Variants in IPO11 observed in about 807,000 individuals in gnomAD.
IPO11 encodes importin-11.
In IPO11, 66 loss-of-function variants were observed where a neutral mutation model predicts 143.2. The observed-to-expected ratio is 0.46, with a 90% CI of 0.38 to 0.57. The LOEUF (loss-of-function observed/expected upper bound fraction) is 0.57, where lower values mean the gene tolerates loss of function less well. Ranked by LOEUF, IPO11 falls within the 20% of genes least tolerant of loss-of-function variation. The pLI, the probability that IPO11 is intolerant of heterozygous loss-of-function variation, is 0.00. For synonymous variants in IPO11, 385 were observed against 377.8 expected, an observed-to-expected ratio of 1.02 and a Z score of -0.22; for missense variants, 1,026 against 1,141.0, an observed-to-expected ratio of 0.90 and a Z score of 1.45.
intron 9 of IPO11, among the ~76,000 whole-genome samples, chr5:62,480,335 A>C (rs952823085): frequency 8.5e-5 from 13 of 152,194 alleles, no homozygotes; most frequent in Non-Finnish European, 1.6e-4. Flanking sequence ...TGTTTTGGTT[A>C]CTGTAGCCTT....
rs145408426 is a variant in IPO11 at position 62,462,553 on chromosome 5, A to G, written c.517-4578A>G. On this transcript the variant is annotated intron_variant, in intron 5 of 29. Transcript: ENST00000325324. ...AAAAAAAATACTGTTTTTATTTTTT[A>G]CAGACAGGGTTTTGTCTCCCAAGCT... Among the ~76,000 whole-genome samples the G allele has an allele frequency of 4.0e-5, 6 of 151,304 alleles. No individual in the cohort carries two copies. In the East Asian group the frequency reaches 1.2e-3, roughly 29 times the overall value.
At chr5:62,542,948 C>T (rs1251961900) in intron 24 of IPO11, among the ~76,000 whole-genome samples, 1 of 152,106 alleles carries the variant, frequency 6.6e-6, no homozygotes, top group Admixed American at 6.6e-5. Flanking sequence ...AATAATAGCT[C>T]ATACTAGCAT....
At chr5:62,420,643 G>A (rs538251398) in intron 1 of IPO11, among the ~76,000 whole-genome samples, 48 of 150,542 alleles carry the variant, frequency 3.2e-4, no homozygotes, top group African/African-American at 9.5e-4. Context: ...GCAGTGGCAC[G>A]ATCGTGGCTC....
intron 28 of IPO11, among the ~76,000 whole-genome samples, chr5:62,592,852 C>A (rs1172090377): frequency 6.6e-6 from 1 of 152,126 alleles, no homozygotes; most frequent in Non-Finnish European, 1.5e-5. Flanking sequence ...GATTCAGTTA[C>A]CTCCAGCTGG....
intron 27 of IPO11, chr5:62,580,879 G>T (rs1301730606): frequency 1.9e-6 from 3 of 1,551,360 alleles, no homozygotes; most frequent in Admixed American, 2.0e-5. Context: ...GACTACAGCA[G>T]TGTTACCTGT....
intron 2 of IPO11, among the ~76,000 whole-genome samples, chr5:62,441,038 C>T (rs1744456354): frequency 6.6e-6 from 1 of 151,786 alleles, no homozygotes; most frequent in South Asian, 2.1e-4. Flanking sequence ...TGGGGTTTTC[C>T]TATACAAGGT....
In IPO11 at chr5:62,437,309, T is replaced by A. The variant is rs567775447; in HGVS notation, c.30T>A (p.Val10=). The A allele has an allele frequency of 5.6e-6, 9 of 1,611,180 alleles. No homozygotes were observed. In the African/African-American group the frequency reaches 1.1e-4, roughly 19 times the overall value. The change falls in exon 2 of 30, where the codon GTT becomes GTA. Residue 10 remains valine, a synonymous_variant. Transcript: ENST00000325324. The part of the protein sequence containing the change: MDLNSASTV[V]LQVLTQATSQ... ...ATCTCAATAGTGCCAGCACTGTTGTTCTTCAGGTGTTAACACAGGCCACCA... is the reference window on the plus strand; with the variant it reads ...ATCTCAATAGTGCCAGCACTGTTGTACTTCAGGTGTTAACACAGGCCACCA...
chr5:62,421,823 T>C (rs903068708), intron 1 of IPO11, among the ~76,000 whole-genome samples: 7 of 152,190 alleles, frequency 4.6e-5, no homozygotes, highest in Admixed American at 6.5e-5. Flanking sequence ...TTTGAACAAA[T>C]GGGTTTTTAT....
chr5:62,589,020 G>A (rs1744914764), intron 27 of IPO11, among the ~76,000 whole-genome samples: 1 of 152,144 alleles, frequency 6.6e-6, no homozygotes, highest in East Asian at 1.9e-4. Context: ...CTCCAAGGGA[G>A]TGTGTACATC....
intron 19 of IPO11, 44 bp downstream of exon 19, chr5:62,506,401 A>T: frequency 9.4e-7 from 1 of 1,064,206 alleles, no homozygotes; most frequent in Non-Finnish European, 1.4e-6. Context: ...GGGTGGGTAG[A>T]ATAGACGTAG....
chr5:62,442,984 A>G lies in IPO11; in HGVS notation c.140A>G (p.Asn47Ser). ...TAATATTATGTTTTTTATTTATAGA[A>G]TATTTTCACCAACCACACTTTGGAT... Reference protein sequence around the residue: ...TQPGFYSVLLNIFTNHTLDIN... With the variant: ...TQPGFYSVLLSIFTNHTLDIN... The change falls in exon 3 of 30, where the codon AAT becomes AGT. Residue 47 changes from asparagine to serine, a missense_variant and splice_region_variant. By Grantham distance (46) the Asn-to-Ser change is conservative. This residue lies in a region of IPO11 where 429 missense variants were observed against 456.3 expected (regional missense o/e 0.94). Coordinates refer to ENST00000325324, the MANE Select transcript of IPO11 (RefSeq NM_016338.5). The G allele has an allele frequency of 2.6e-6, 4 of 1,566,788 alleles. No homozygotes were observed. Among genetic ancestry groups the G allele is most frequent in the Non-Finnish European group, 3.5e-6 (4 of 1,145,680 alleles).
At chr5:62,500,882 G>A (rs185461687) in intron 16 of IPO11, among the ~76,000 whole-genome samples, 2 of 152,328 alleles carry the variant, frequency 1.3e-5, no homozygotes, top group East Asian at 1.9e-4. Flanking sequence ...GTAATGTGAT[G>A]TGTTTTGACA....
chr5:62,596,196 G>A (rs1278937085), intron 28 of IPO11, among the ~76,000 whole-genome samples: 2 of 145,478 alleles, frequency 1.4e-5, no homozygotes, highest in Non-Finnish European at 3.0e-5. Flanking sequence ...TTGAGCCTGA[G>A]ACATCGAGGC....
At chr5:62,496,015 C>G (rs900531013) in intron 16 of IPO11, among the ~76,000 whole-genome samples, 1 of 151,854 alleles carries the variant, frequency 6.6e-6, no homozygotes, top group Non-Finnish European at 1.5e-5. Context: ...TTGTGGCATG[C>G]GTGGTGACTC....
At chr5:62,554,748 C>T (rs1036163481) in intron 26 of IPO11, among the ~76,000 whole-genome samples, 4 of 152,024 alleles carry the variant, frequency 2.6e-5, no homozygotes, top group Non-Finnish European at 5.9e-5. Flanking sequence ...CAGAGTCTAG[C>T]TCTGTGGCCC....
chr5:62,416,360 T>G (rs1294740196), intron 1 of IPO11, among the ~76,000 whole-genome samples: 2 of 151,934 alleles, frequency 1.3e-5, no homozygotes, highest in Non-Finnish European at 2.9e-5. Context: ...TTTTTATATT[T>G]TTAGTAGAGA....
At chr5:62,519,080 G>C (rs1273647024) in intron 20 of IPO11, among the ~76,000 whole-genome samples, 1 of 152,150 alleles carries the variant, frequency 6.6e-6, no homozygotes, top group South Asian at 2.1e-4. Context: ...CCTGACAGAG[G>C]TGTTACTCAA....
At chr5:62,445,600 A>G (rs567599831) in intron 3 of IPO11, among the ~76,000 whole-genome samples, 2 of 152,100 alleles carry the variant, frequency 1.3e-5, no homozygotes, top group East Asian at 1.9e-4. Flanking sequence ...TCAATACAGT[A>G]TTTTTCATTT....
chr5:62,578,791 TTAA>T, intron 27 of IPO11: 1 of 386,220 alleles, frequency 2.6e-6, no homozygotes, highest in Non-Finnish European at 5.1e-6. Context: ...AAACGGTGAC[TTAA>T]AAAAAAAAAA....
Sources: allele counts gnomAD v4.1 joint callset (sites outside exome capture counted in the v4.1 genomes callset), GRCh38; gene constraint gnomAD v4.1.1; regional missense constraint gnomAD v4.1.1; transcripts MANE v1.5; gene names NCBI Gene and HGNC (gene_info 2026-07-23, HGNC 2026-07-21).